UNC5C: variants seen among roughly 807,000 people sequenced by gnomAD.
UNC5C encodes the protein unc-5 netrin receptor C, also known as netrin receptor UNC5C.
UNC5C carries 47 observed loss-of-function variants against 99.8 expected under a neutral mutation model. The ratio of observed to expected loss-of-function variants is 0.47; its 90% CI spans 0.37 to 0.60. UNC5C has a LOEUF of 0.60. Among genes scored for constraint, UNC5C ranks in the 20% least tolerant of loss-of-function variants. UNC5C has a pLI of 0.00. For synonymous variants in UNC5C, 487 were observed against 452.2 expected (o/e 1.08, Z -0.98); for missense variants, 1,062 against 1,165.9 (o/e 0.91, Z 1.30).
intron 1 of UNC5C, among the ~76,000 whole-genome samples, chr4:95,513,979 C>T (rs1722146203): frequency 6.6e-6 from 1 of 152,148 alleles, no homozygotes; most frequent in Admixed American, 6.6e-5. Flanking sequence ...ATATGTGCTA[C>T]CCCATGATCT....
intron 14 of UNC5C, among the ~76,000 whole-genome samples, chr4:95,177,803 G>A (rs185646281): frequency 6.6e-6 from 1 of 152,174 alleles, no homozygotes; most frequent in Non-Finnish European, 1.5e-5. Flanking sequence ...TTGGGCTCAA[G>A]CGATCCTCCC....
chr4:95,222,285 T>A, intron 7 of UNC5C: 5 of 1,384,660 alleles, frequency 3.6e-6, no homozygotes, highest in Middle Eastern at 1.9e-4. Context: ...GAAAAAAAAA[T>A]GAAACAAAAA....
At chr4:95,527,250 T>C (rs1162807095) in intron 1 of UNC5C, among the ~76,000 whole-genome samples, 1 of 152,086 alleles carries the variant, frequency 6.6e-6, no homozygotes, top group Non-Finnish European at 1.5e-5. Flanking sequence ...ACGTTAATAG[T>C]ATTTGCCTAA....
intron 1 of UNC5C, among the ~76,000 whole-genome samples, chr4:95,352,277 C>A (rs192446136): frequency 6.6e-6 from 1 of 152,246 alleles, no homozygotes; most frequent in Admixed American, 6.5e-5. Flanking sequence ...GTGTTTGTAT[C>A]TTTGAACACA....
chr4:95,181,835 A>AGAT (rs1195793486), intron 14 of UNC5C, among the ~76,000 whole-genome samples: 3 of 152,354 alleles, frequency 2.0e-5, no homozygotes, highest in Non-Finnish European at 2.9e-5. Flanking sequence ...TTGCTAAGGA[A>AGAT]GATGGTCTTT....
chr4:95,234,125 G>T (rs1043734754), intron 7 of UNC5C, among the ~76,000 whole-genome samples: 1 of 151,664 alleles, frequency 6.6e-6, no homozygotes, highest in East Asian at 1.9e-4. Context: ...TCTCTCTCTT[G>T]TCATAACCAT....
At chr4:95,533,214 G>A (rs1298800062) in intron 1 of UNC5C, among the ~76,000 whole-genome samples, 1 of 151,982 alleles carries the variant, frequency 6.6e-6, no homozygotes, top group East Asian at 1.9e-4. Context: ...TGACCAACAT[G>A]GTAAAACCCC....
chr4:95,282,678 C>A (rs1056395125), intron 3 of UNC5C, among the ~76,000 whole-genome samples: 1 of 152,116 alleles, frequency 6.6e-6, no homozygotes, highest in African/African-American at 2.4e-5. Context: ...AGTGGAGAGG[C>A]CCAGCAAGAC....
At chr4:95,252,194 G>A (rs1739771994) in intron 4 of UNC5C, among the ~76,000 whole-genome samples, 1 of 152,128 alleles carries the variant, frequency 6.6e-6, no homozygotes. Context: ...GAAGTGCACG[G>A]GAGAAGGTGG....
chr4:95,390,653 TAAG>T (rs892406855), intron 1 of UNC5C, among the ~76,000 whole-genome samples: 4 of 152,192 alleles, frequency 2.6e-5, no homozygotes, highest in African/African-American at 9.7e-5. Context: ...ACACGAATTC[TAAG>T]AAGGTGACAC....
intron 1 of UNC5C, among the ~76,000 whole-genome samples, chr4:95,456,366 A>G (rs1268167884): frequency 6.6e-6 from 1 of 152,144 alleles, no homozygotes; most frequent in African/African-American, 2.4e-5. Context: ...GAATTCATTG[A>G]GTTAAAGGAA....
intron 1 of UNC5C, among the ~76,000 whole-genome samples, chr4:95,385,465 C>T (rs1448449025): frequency 6.6e-6 from 1 of 152,058 alleles, no homozygotes; most frequent in African/African-American, 2.4e-5. Context: ...AGTAGAAGAG[C>T]AATTTTAATA....
intron 4 of UNC5C, among the ~76,000 whole-genome samples, chr4:95,274,459 G>A (rs1208595558): frequency 2.0e-5 from 3 of 152,152 alleles, no homozygotes; most frequent in Non-Finnish European, 2.9e-5. Flanking sequence ...GAGAACAGAC[G>A]AAGGAGCAGG....
At chr4:95,302,024 C>G (rs1315288871) in intron 2 of UNC5C, among the ~76,000 whole-genome samples, 2 of 152,196 alleles carry the variant, frequency 1.3e-5, no homozygotes, top group African/African-American at 4.8e-5. Flanking sequence ...TTTCCCAATA[C>G]AGCTTGCTAT....
intron 1 of UNC5C, among the ~76,000 whole-genome samples, chr4:95,356,886 A>T (rs1579354332): frequency 6.6e-6 from 1 of 152,250 alleles, no homozygotes; most frequent in East Asian, 1.9e-4. Flanking sequence ...AGTTGGTAAA[A>T]CTGTCTCGTT....
intron 1 of UNC5C, among the ~76,000 whole-genome samples, chr4:95,339,504 C>T (rs1342962911): frequency 1.0e-5 from 1 of 99,298 alleles, no homozygotes; most frequent in Non-Finnish European, 2.3e-5. Flanking sequence ...TAAGGTCATG[C>T]TGCAAAACTT....
chr4:95,333,059 A>T (rs1743183971), intron 2 of UNC5C, among the ~76,000 whole-genome samples: 2 of 152,218 alleles, frequency 1.3e-5, no homozygotes, highest in Admixed American at 1.3e-4. Context: ...ATCATTAAAA[A>T]GTCAGGAAGC....
At chr4:95,422,057 A>G (rs1746335095) in intron 1 of UNC5C, among the ~76,000 whole-genome samples, 1 of 152,250 alleles carries the variant, frequency 6.6e-6, no homozygotes, top group African/African-American at 2.4e-5. Context: ...ACAGCAGGCA[A>G]CATGAAACAA....
intron 2 of UNC5C, among the ~76,000 whole-genome samples, chr4:95,314,635 C>T (rs563980685): frequency 6.6e-6 from 1 of 152,280 alleles, no homozygotes; most frequent in Non-Finnish European, 1.5e-5. Flanking sequence ...ATATAAAATT[C>T]ATGAGTATAA....
Sources: allele counts gnomAD v4.1 joint callset (sites outside exome capture counted in the v4.1 genomes callset), GRCh38; gene constraint gnomAD v4.1.1; transcripts MANE v1.5; gene names NCBI Gene and HGNC (gene_info 2026-07-23, HGNC 2026-07-21).